CHL1: variants seen among roughly 807,000 people sequenced by gnomAD.
CHL1 encodes the protein cell adhesion molecule L1 like, also known as neural cell adhesion molecule L1-like protein.
In CHL1, 96 loss-of-function variants were observed where a neutral mutation model predicts 141.9. The ratio of observed to expected loss-of-function variants is 0.68; its 90% CI spans 0.57 to 0.80. CHL1 has a LOEUF of 0.80. Ranked by LOEUF, CHL1 falls within the 30% of genes least tolerant of loss-of-function variation. The pLI, the probability that CHL1 is intolerant of heterozygous loss-of-function variation, is 0.00. For synonymous variants in CHL1, 613 were observed against 502.2 expected, an observed-to-expected ratio of 1.22 and a Z score of -2.95; for missense variants, 1,820 against 1,457.2, an observed-to-expected ratio of 1.25 and a Z score of -4.05.
intron 2 of CHL1, among the ~76,000 whole-genome samples, chr3:278,151 T>C (rs151221914): frequency 0.016 from 2,482 of 152,292 alleles, 78 homozygotes; most frequent in African/African-American, 0.057. Context: ...TCATCCGCTC[T>C]ATAGAAATCA....
At chr3:345,847 A>C (rs888306377) in intron 9 of CHL1, among the ~76,000 whole-genome samples, 21 of 152,196 alleles carry the variant, frequency 1.4e-4, no homozygotes, top group African/African-American at 4.1e-4. Context: ...ACCTCTTAAA[A>C]TTGTTCCATT....
chr3:393,165 A>G (rs534289272), intron 23 of CHL1, among the ~76,000 whole-genome samples: 61 of 145,296 alleles, frequency 4.2e-4, no homozygotes, highest in African/African-American at 1.1e-3. Flanking sequence ...CCCGGGAGGC[A>G]GAGCTTGCGG....
chr3:334,713 A>G (rs549377688), intron 5 of CHL1, among the ~76,000 whole-genome samples: 2 of 152,282 alleles, frequency 1.3e-5, no homozygotes, highest in South Asian at 4.1e-4. Context: ...ACTTTTGGCT[A>G]TTATAAATAG....
At position 197,785 on chromosome 3, in the gene CHL1, A is replaced by T. The variant is rs1429579536; in HGVS notation, c.-175+722A>T. 1.3e-5 allele frequency: 6 copies of T among 455,674 alleles called. No individual in the cohort carries two copies. In the Middle Eastern group the frequency reaches 9.8e-4, roughly 74 times the overall value. 28.2% of individuals were successfully genotyped at this position (455,674 alleles called of 1,614,324 possible). ...GGGCGCGCCGGGGGCCGTGGTTGCCATGGCTCCTGGTAGCGGAGCCCGGGG... is the reference window on the plus strand; with the variant it reads ...GGGCGCGCCGGGGGCCGTGGTTGCCTTGGCTCCTGGTAGCGGAGCCCGGGG... On this transcript the variant is annotated intron_variant, in intron 1 of 27. Transcript: ENST00000256509.
At chr3:228,414 G>C (rs1464753093) in intron 1 of CHL1, among the ~76,000 whole-genome samples, 1 of 151,960 alleles carries the variant, frequency 6.6e-6, no homozygotes, top group African/African-American at 2.4e-5. Flanking sequence ...TAGATATTAA[G>C]TGTTCAAGGG....
In CHL1 at chr3:407,533, A is replaced by G. The variant is rs1189029794; in HGVS notation, c.*1822A>G. 6.6e-6 allele frequency: 1 copy of G among 152,126 alleles called. No homozygotes were observed. The highest frequency in any genetic ancestry group is 1.5e-5 in the Non-Finnish European group (1 of 68,014). The allele number at this position is 152,126 out of a possible 1,614,324, so 9.4% of individuals were successfully genotyped here. On this transcript the variant is annotated 3_prime_UTR_variant, in exon 28 of 28. Coordinates refer to ENST00000256509, the MANE Select transcript of CHL1 (RefSeq NM_006614.4). ...CCTGTGTGAATGTGAGGATGTAGAC[A>G]TCCATCAGTGCAACTCGAGCTCCAT...
chr3:238,387 A>G (rs899125201), intron 1 of CHL1, among the ~76,000 whole-genome samples: 2 of 151,458 alleles, frequency 1.3e-5, no homozygotes, highest in African/African-American at 4.8e-5. Flanking sequence ...GTGTTTAAAG[A>G]TCAATTGAGA....
chr3:348,267 TC>T (rs1013971224), intron 9 of CHL1, among the ~76,000 whole-genome samples: 1 of 152,174 alleles, frequency 6.6e-6, no homozygotes, highest in African/African-American at 2.4e-5. Context: ...AGCTTCAGAC[TC>T]CTTACTGTTA....
chr3:226,128 C>T (rs1439952452), intron 1 of CHL1, among the ~76,000 whole-genome samples: 1 of 150,638 alleles, frequency 6.6e-6, no homozygotes, highest in Non-Finnish European at 1.5e-5. Flanking sequence ...TCAAGTGATT[C>T]TCGTGCCTCA....
At position 401,691 on chromosome 3, in the gene CHL1, G is replaced by A; in HGVS notation, c.3451G>A (p.Glu1151Lys). The A allele has an allele frequency of 3.8e-6, 6 of 1,564,854 alleles. No homozygotes were observed. Among genetic ancestry groups the A allele is most frequent in the Non-Finnish European group, 8.7e-7 (1 of 1,146,900 alleles). The change falls in exon 27 of 28, where the codon GAA (glutamate) becomes AAA (lysine). Residue 1151 changes from glutamate to lysine, a missense_variant. Transcript: ENST00000256509. ...IQSVKDETFG[E>K]YSDSDEKPLK... is the part of the protein sequence containing the mutation. Reference sequence around the variant, plus strand: ...GTCAGTAAAAGATGAAACCTTTGGTGAATACAGGTAAACATAAGGTTCTGT... The same window carrying A: ...GTCAGTAAAAGATGAAACCTTTGGTAAATACAGGTAAACATAAGGTTCTGT...
At chr3:394,642 A>G (rs1451330089) in intron 23 of CHL1, 51 bp from the exon 24 acceptor site, 10 of 1,308,240 alleles carry the variant, frequency 7.6e-6, no homozygotes, top group Admixed American at 2.0e-5. Context: ...TGAAGAATGC[A>G]ACTTGAATGG....
At position 405,853 on chromosome 3, in the gene CHL1, A is replaced by C; in HGVS notation, c.*142A>C. 1 of 624,908 alleles carries C rather than the reference A, an allele frequency of 1.6e-6. No individual in the cohort carries two copies. Among genetic ancestry groups the C allele is most frequent in the Non-Finnish European group, 2.8e-6 (1 of 357,120 alleles). 38.7% of individuals were successfully genotyped at this position (624,908 alleles called of 1,614,324 possible). A position where few individuals can be genotyped will look rare whatever the true frequency, so the allele number is the denominator to read the frequency against. ...AAGTCAACATCCTGCAATTATGTTG[A>C]AAAGAGTAGTACTTTCTTCAAAATA... On this transcript the variant is annotated 3_prime_UTR_variant, in exon 28 of 28. Transcript: ENST00000256509.
intron 5 of CHL1, among the ~76,000 whole-genome samples, chr3:329,175 T>C (rs560406203): frequency 1.3e-5 from 2 of 152,238 alleles, no homozygotes; most frequent in East Asian, 1.9e-4. Context: ...GTTCTTAATA[T>C]ATCCACCATT....
chr3:323,606 A>C (rs1238257049), intron 3 of CHL1, among the ~76,000 whole-genome samples: 2 of 152,118 alleles, frequency 1.3e-5, no homozygotes, highest in African/African-American at 4.8e-5. Flanking sequence ...ATTTCCCATC[A>C]TTTTTTAACT....
intron 2 of CHL1, chr3:246,889 G>A (rs916967110): frequency 3.9e-5 from 6 of 152,044 alleles, no homozygotes; most frequent in African/African-American, 1.4e-4. Context: ...GTAGTTGAAT[G>A]ACAGGGACTA....
chr3:277,738 A>G (rs1160307033), intron 2 of CHL1, among the ~76,000 whole-genome samples: 5 of 152,112 alleles, frequency 3.3e-5, no homozygotes, highest in African/African-American at 1.2e-4. Flanking sequence ...TCTTTTCCAT[A>G]TTTCCCCCTT....
chr3:338,750 T>C (rs1702133456), intron 5 of CHL1, among the ~76,000 whole-genome samples: 1 of 152,244 alleles, frequency 6.6e-6, no homozygotes. Flanking sequence ...GGTAGAGTTA[T>C]AAATTTTCTT....
chr3:365,368 A>T lies in CHL1; in HGVS notation c.1586-582A>T, dbSNP rs1408127842. Among the ~76,000 whole-genome samples the T allele has an allele frequency of 2.6e-5, 4 of 152,214 alleles. No individual in the cohort carries two copies. The East Asian group carries it at 5.8e-4, about 22-fold the overall frequency. The stretch of plus-strand genomic sequence containing the variant: ...CTATCACTCCCTGTAATTCATTCAA[A>T]AGGAGACTTAACACTATGTATTGAA... On this transcript the variant is annotated intron_variant, in intron 14 of 27. Coordinates refer to ENST00000256509, the MANE Select transcript of CHL1 (RefSeq NM_006614.4).
chr3:325,259 T>C (rs1386450039), intron 3 of CHL1, among the ~76,000 whole-genome samples: 3 of 152,026 alleles, frequency 2.0e-5, no homozygotes, highest in African/African-American at 7.2e-5. Flanking sequence ...AATGTTAGCA[T>C]TCACTGGTGG....
Sources: allele counts gnomAD v4.1 joint callset (sites outside exome capture counted in the v4.1 genomes callset), GRCh38; gene constraint gnomAD v4.1.1; transcripts MANE v1.5; gene names NCBI Gene and HGNC (gene_info 2026-07-23, HGNC 2026-07-21).